WDR72: variants seen among roughly 807,000 people sequenced by gnomAD.
WDR72 encodes the protein WD repeat-containing protein 72.
Under a neutral mutation model 124.2 loss-of-function variants are expected in WDR72, and 120 were observed. That is an observed-to-expected ratio of 0.97 (90% confidence interval 0.83 to 1.12). The LOEUF (loss-of-function observed/expected upper bound fraction) is 1.12. Among genes scored for constraint, WDR72 ranks in the 50% most tolerant of loss-of-function variants. The pLI is 0.00. For synonymous variants in WDR72, 452 were observed against 441.7 expected, an observed-to-expected ratio of 1.02 and a Z score of -0.29; for missense variants, 1,387 against 1,278.8, an observed-to-expected ratio of 1.08 and a Z score of -1.29.
At chr15:53,654,521 T>C (rs1458237529) in intron 14 of WDR72, among the ~76,000 whole-genome samples, 1 of 152,210 alleles carries the variant, frequency 6.6e-6, no homozygotes, top group Non-Finnish European at 1.5e-5. Context: ...ACGTAGAACA[T>C]TAGATGAAGG....
chr15:53,726,810 C>G (rs148558042), intron 2 of WDR72, among the ~76,000 whole-genome samples: 3 of 152,280 alleles, frequency 2.0e-5, no homozygotes, highest in Admixed American at 2.0e-4. Context: ...TGCCACTGCA[C>G]TCCAGACTGG....
chr15:53,720,449 T>C (rs1486794048), intron 3 of WDR72, among the ~76,000 whole-genome samples: 4 of 152,248 alleles, frequency 2.6e-5, no homozygotes, highest in Non-Finnish European at 4.4e-5. Context: ...ATCTTCCTTC[T>C]GAAATCATTG....
chr15:53,578,147 C>T (rs1438093626), intron 18 of WDR72, among the ~76,000 whole-genome samples: 1 of 152,104 alleles, frequency 6.6e-6, no homozygotes, highest in African/African-American at 2.4e-5. Flanking sequence ...GGGTACCCAG[C>T]ACTGACCTAG....
At chr15:53,658,031 TA>T (rs1192311555) in intron 14 of WDR72, among the ~76,000 whole-genome samples, 1 of 152,210 alleles carries the variant, frequency 6.6e-6, no homozygotes, top group Non-Finnish European at 1.5e-5. Flanking sequence ...TTTTCCATGT[TA>T]AAAAATGCAG....
chr15:53,730,895 G>C (rs1033580177), intron 2 of WDR72, among the ~76,000 whole-genome samples: 1 of 152,072 alleles, frequency 6.6e-6, no homozygotes, highest in African/African-American at 2.4e-5. Flanking sequence ...AAGTGCCCTT[G>C]ATTTTTTTCA....
At chr15:53,594,917 GA>G (rs2012700182) in intron 18 of WDR72, among the ~76,000 whole-genome samples, 1 of 150,710 alleles carries the variant, frequency 6.6e-6, no homozygotes, top group South Asian at 2.1e-4. Flanking sequence ...TTCTCAAAAA[GA>G]AAAAGACAAT....
At chr15:53,617,102 C>T (rs1219337486) in intron 14 of WDR72, among the ~76,000 whole-genome samples, 1 of 151,634 alleles carries the variant, frequency 6.6e-6, no homozygotes, top group Admixed American at 6.6e-5. Context: ...AATGGAACAC[C>T]ATTTAAATAA....
intron 19 of WDR72, among the ~76,000 whole-genome samples, chr15:53,520,492 A>ACT (rs1464596132): frequency 6.6e-6 from 1 of 152,048 alleles, no homozygotes; most frequent in Non-Finnish European, 1.5e-5. Context: ...AATTAAATGC[A>ACT]CTCTTTTCCA....
rs1018755207 is a variant in WDR72, at chr15:53,607,156, T to C, written c.2952+2357A>G. Among the ~76,000 whole-genome samples, 10 of 152,228 alleles carry C rather than the reference T, an allele frequency of 6.6e-5. No homozygotes were observed. In the East Asian group the frequency reaches 1.5e-3, roughly 24 times the overall value. On this transcript the variant is annotated intron_variant, in intron 17 of 19. Coordinates refer to ENST00000360509, the MANE Select transcript of WDR72 (RefSeq NM_182758.4). ...AATTCACAAAGGTACTGCTAAAATT[T>C]TGAGACCAAAAGTAGCCTTAAAGGA...
intron 17 of WDR72, among the ~76,000 whole-genome samples, chr15:53,606,665 A>G (rs2013296592): frequency 1.3e-5 from 2 of 152,244 alleles, no homozygotes; most frequent in South Asian, 4.1e-4. Context: ...AGTTGGAGTT[A>G]TAAGAGAAGA....
intron 13 of WDR72, among the ~76,000 whole-genome samples, chr15:53,690,351 G>T (rs73410181): frequency 6.6e-6 from 1 of 151,974 alleles, no homozygotes; most frequent in Non-Finnish European, 1.5e-5. Flanking sequence ...ACAATGTTGT[G>T]TAACCACCAA....
chr15:53,555,102 T>G lies in WDR72; in HGVS notation c.3149-31780A>C, dbSNP rs193187277. Among the ~76,000 whole-genome samples, 227 of 152,154 alleles carry G rather than the reference T, an allele frequency of 1.5e-3. 1 individual carries two copies. The highest frequency in any genetic ancestry group is 5.1e-3 in the African/African-American group (212 of 41,538). Reference sequence around the variant, plus strand: ...AGGAAACTGATACGGAGAGATTTAATGATTCATCTGAGATGGAGAAGCAAA... The same window carrying G: ...AGGAAACTGATACGGAGAGATTTAAGGATTCATCTGAGATGGAGAAGCAAA... On this transcript the variant is annotated intron_variant, in intron 18 of 19. Transcript: ENST00000360509.
rs564789047 is a variant in WDR72 at position 53,537,392 on chromosome 15, T to G, written c.3149-14070A>C. Among the ~76,000 whole-genome samples, 9 of 152,338 alleles carry G rather than the reference T, an allele frequency of 5.9e-5. No homozygotes were observed. In the East Asian group the frequency reaches 1.4e-3, roughly 23 times the overall value. The stretch of plus-strand genomic sequence containing the variant: ...ATTGTTCAAGATTATTATTGAGTTT[T>G]AGGGGCTCTTCTGAAAAGGACAGCT... On this transcript the variant is annotated intron_variant, in intron 18 of 19. Coordinates refer to ENST00000360509, the MANE Select transcript of WDR72 (RefSeq NM_182758.4).
At chr15:53,649,932 C>T (rs1344111105) in intron 14 of WDR72, among the ~76,000 whole-genome samples, 4 of 152,200 alleles carry the variant, frequency 2.6e-5, no homozygotes, top group South Asian at 2.1e-4. Flanking sequence ...GTCCAGCAAT[C>T]GACTTCTGGG....
chr15:53,723,429 T>C (rs1010171495), intron 2 of WDR72, among the ~76,000 whole-genome samples: 6 of 152,188 alleles, frequency 3.9e-5, no homozygotes, highest in African/African-American at 1.4e-4. Flanking sequence ...TGGTTCAGGA[T>C]TCCCACTTCT....
At chr15:53,642,906 C>A (rs2014905855) in intron 14 of WDR72, among the ~76,000 whole-genome samples, 1 of 151,940 alleles carries the variant, frequency 6.6e-6, no homozygotes, top group Admixed American at 6.6e-5. Context: ...CCATTGGGAT[C>A]CAACTTATTC....
intron 17 of WDR72, among the ~76,000 whole-genome samples, chr15:53,607,265 A>T (rs1251663048): frequency 6.6e-6 from 1 of 152,028 alleles, no homozygotes; most frequent in Admixed American, 6.6e-5. Flanking sequence ...TAAAAAAAAA[A>T]GACTTATTAA....
intron 12 of WDR72, among the ~76,000 whole-genome samples, chr15:53,701,798 A>T (rs1035722576): frequency 7.2e-5 from 11 of 152,160 alleles, no homozygotes; most frequent in African/African-American, 1.2e-4. Flanking sequence ...TTTTTTAAAA[A>T]AAAGATAATT....
At chr15:53,589,212 T>G (rs2012371007) in intron 18 of WDR72, among the ~76,000 whole-genome samples, 2 of 151,852 alleles carry the variant, frequency 1.3e-5, no homozygotes, top group Non-Finnish European at 2.9e-5. Context: ...ATGACTATTT[T>G]TAATTTCCTG....
Sources: gnomAD v4.1 joint callset for allele counts (sites outside exome capture counted in the v4.1 genomes callset) on GRCh38, gnomAD v4.1.1 for gene constraint, MANE v1.5 for transcripts, NCBI Gene and HGNC (gene_info 2026-07-23, HGNC 2026-07-21) for gene names.